The following UTRN variants were observed in gnomAD, a reference collection of about 807,000 sequenced individuals.
The protein encoded by UTRN is utrophin.
UTRN carries 283 observed loss-of-function variants against 463.9 expected under a neutral mutation model. The observed-to-expected ratio is 0.61, with a 90% CI of 0.55 to 0.67. UTRN has a LOEUF of 0.67. Ranked by LOEUF, UTRN falls within the 30% of genes least tolerant of loss-of-function variation. The probability of loss-of-function intolerance (pLI) is 0.00; values close to 1 mark genes in which losing one functional copy is unlikely to be tolerated. For missense variants in UTRN, 3,922 were observed against 4,084.3 expected (o/e 0.96, Z 1.08); for synonymous variants, 1,442 against 1,431.5 (o/e 1.01, Z -0.17).
chr6:144,448,419 G>C (rs1787910595), intron 16 of UTRN, among the ~76,000 whole-genome samples, 181 bp from the exon 17 acceptor site: 1 of 152,140 alleles, frequency 6.6e-6, no homozygotes, highest in Non-Finnish European at 1.5e-5. Context: ...TTATGGCTAT[G>C]GGATTTCTTT....
intron 2 of UTRN, among the ~76,000 whole-genome samples, chr6:144,390,644 G>A (rs1233348703): frequency 6.6e-6 from 1 of 152,172 alleles, no homozygotes; most frequent in African/African-American, 2.4e-5. Flanking sequence ...TGCTGCAGCT[G>A]TTCTCTCTTC....
At chr6:144,828,425 G>A (rs1780378777) in intron 68 of UTRN, among the ~76,000 whole-genome samples, 1 of 152,148 alleles carries the variant, frequency 6.6e-6, no homozygotes, top group South Asian at 2.1e-4. Flanking sequence ...TAGTTGAAGG[G>A]AAGTCATGGA....
chr6:144,626,582 G>T (rs1204310448), intron 51 of UTRN, among the ~76,000 whole-genome samples: 1 of 152,186 alleles, frequency 6.6e-6, no homozygotes, highest in Non-Finnish European at 1.5e-5. Flanking sequence ...CTGCCTACAG[G>T]CCACTCAGTT....
intron 2 of UTRN, among the ~76,000 whole-genome samples, chr6:144,346,651 C>T (rs1318279837): frequency 7.2e-5 from 11 of 152,036 alleles, no homozygotes; most frequent in South Asian, 4.2e-4. Flanking sequence ...GGTGAAACAT[C>T]GTCTCTACTA....
At chr6:144,445,506 A>G (rs1787584929) in intron 14 of UTRN, among the ~76,000 whole-genome samples, 1 of 151,744 alleles carries the variant, frequency 6.6e-6, no homozygotes, top group African/African-American at 2.4e-5. Flanking sequence ...CTTACTAAAT[A>G]TGGTGGCAGA....
chr6:144,756,879 A>G (rs531154370), intron 57 of UTRN, among the ~76,000 whole-genome samples: 36 of 152,230 alleles, frequency 2.4e-4, no homozygotes, highest in Admixed American at 2.2e-3. Flanking sequence ...TTTTATCTCT[A>G]CACATTTAGT....
intron 42 of UTRN, 22 bp downstream of exon 42, chr6:144,531,224 AG>A (rs1409811800): frequency 1.2e-6 from 2 of 1,612,784 alleles, no homozygotes; most frequent in Non-Finnish European, 8.5e-7. Context: ...CTGTTAGAGG[AG>A]GGGGACTGCA....
At chr6:144,445,156 G>C (rs560013419) in intron 14 of UTRN, among the ~76,000 whole-genome samples, 37 of 152,048 alleles carry the variant, frequency 2.4e-4, no homozygotes, top group African/African-American at 8.9e-4. Context: ...TTCAAGACTA[G>C]CCCGGCCAAC....
chr6:144,544,825 C>T (rs1798263284), intron 46 of UTRN, among the ~76,000 whole-genome samples: 1 of 152,062 alleles, frequency 6.6e-6, no homozygotes, highest in Admixed American at 6.5e-5. Flanking sequence ...TTCCTAAGAC[C>T]AGCTCCTCCA....
intron 51 of UTRN, among the ~76,000 whole-genome samples, chr6:144,603,278 A>G (rs1804461320): frequency 6.6e-6 from 1 of 152,088 alleles, no homozygotes; most frequent in African/African-American, 2.4e-5. Context: ...GTAACAAATG[A>G]TTGTGTTTTG....
At chr6:144,499,497 T>C in intron 34 of UTRN, 70 bp downstream of exon 34, 1 of 1,368,048 alleles carries the variant, frequency 7.3e-7, no homozygotes. Context: ...GGCGACCTGG[T>C]TGGATACCAT....
At chr6:144,408,869 A>G (rs541124746) in intron 3 of UTRN, among the ~76,000 whole-genome samples, 58 of 152,344 alleles carry the variant, frequency 3.8e-4, no homozygotes, top group South Asian at 2.5e-3. Context: ...CTAGATATTC[A>G]GTCTTCTCTT....
chr6:144,688,793 T>C (rs576279901), intron 52 of UTRN, among the ~76,000 whole-genome samples: 1 of 152,296 alleles, frequency 6.6e-6, no homozygotes, highest in Admixed American at 6.5e-5. Flanking sequence ...CCCAGTGGTG[T>C]GCACTTATTT....
chr6:144,816,454 T>C (rs577937770), intron 65 of UTRN, among the ~76,000 whole-genome samples: 1 of 150,708 alleles, frequency 6.6e-6, no homozygotes, highest in Non-Finnish European at 1.5e-5. Flanking sequence ...ATTTTCTGAC[T>C]GATAATATTT....
At position 144,751,936 on chromosome 6, in the gene UTRN, G is replaced by A. The variant is rs769889800; in HGVS notation, c.8339G>A (p.Arg2780Gln). Residue 2780 changes from arginine to glutamine, a missense_variant, in exon 56 of 75, where the codon CGA becomes CAA. Arg to Gln is a conservative substitution (Grantham distance 43). Transcript: ENST00000367545. ...CGCCAGCTAGATGACCTTAATATGC[G>A]ATGGAAACTTTTACAGGTATCAGCT... Reference protein sequence around the residue: ...MSRQLDDLNMRWKLLQVSVDD... With the variant: ...MSRQLDDLNMQWKLLQVSVDD... 9.9e-6 allele frequency: 16 copies of A among 1,608,194 alleles called. No individual in the cohort carries two copies. The highest frequency in any genetic ancestry group is 2.7e-5 in the African/African-American group (2 of 74,492).
intron 51 of UTRN, among the ~76,000 whole-genome samples, chr6:144,635,111 C>T (rs1163410470): frequency 6.9e-6 from 1 of 145,264 alleles, no homozygotes; most frequent in Non-Finnish European, 1.5e-5. Context: ...AGGCAATCAA[C>T]AATCTAAAAC....
In UTRN at chr6:144,577,064, G is replaced by A. The variant is rs377580261; in HGVS notation, c.7290-35G>A. 2.5e-6 allele frequency: 4 copies of A among 1,596,786 alleles called. No individual in the cohort carries two copies. In the African/African-American group the frequency reaches 4.0e-5, roughly 16 times the overall value. On this transcript the variant is annotated intron_variant, in intron 50 of 74. Transcript: ENST00000367545. The stretch of plus-strand genomic sequence containing the variant: ...GATGTGGAATGTCACAACACTGTAA[G>A]TAATGGAGCCGTGCTGTCATATTGT...
intron 15 of UTRN, 135 bp downstream of exon 15, chr6:144,447,453 C>G: frequency 7.9e-7 from 1 of 1,262,414 alleles, no homozygotes; most frequent in Non-Finnish European, 1.1e-6. Context: ...CTGTAACAAT[C>G]TGGAACCACG....
At chr6:144,436,979 G>A (rs1786625432) in intron 10 of UTRN, among the ~76,000 whole-genome samples, 1 of 145,906 alleles carries the variant, frequency 6.9e-6, no homozygotes, top group Admixed American at 6.9e-5. Flanking sequence ...TTTTAACAGA[G>A]TCTTACTCTG....
Sources: allele counts gnomAD v4.1 joint callset (sites outside exome capture counted in the v4.1 genomes callset), GRCh38; gene constraint gnomAD v4.1.1; transcripts MANE v1.5; gene names NCBI Gene and HGNC (gene_info 2026-07-23, HGNC 2026-07-21).